DUT: variants seen among roughly 807,000 people sequenced by gnomAD.
DUT encodes deoxyuridine triphosphatase, also known as deoxyuridine 5'-triphosphate nucleotidohydrolase, mitochondrial.
A neutral mutation model predicts 28.8 loss-of-function variants in DUT; 21 were observed. That is an observed-to-expected ratio of 0.73 (90% CI 0.52 to 1.05). The LOEUF is 1.05. Ranked by LOEUF, DUT falls within the 50% of genes least tolerant of loss-of-function variation. DUT has a pLI of 0.00. For synonymous variants in DUT, 147 were observed against 143.7 expected (o/e 1.02, Z -0.17); for missense variants, 344 against 351.8 (o/e 0.98, Z 0.18).
In DUT at chr15:48,341,283, C is replaced by G. The variant is rs201220035; in HGVS notation, c.557-6C>G. 3.9e-5 allele frequency: 62 copies of G among 1,575,394 alleles called. No individual in the cohort carries two copies. Among genetic ancestry groups the G allele is most frequent in the East Asian group, 1.3e-4 (6 of 44,528 alleles). ...ATTGAGATAATATTACTTTTCTTTT[C>G]TCTAGCTGGTGTCATAGATGAAGAT... On this transcript the variant is annotated splice_polypyrimidine_tract_variant and splice_region_variant and intron_variant, in intron 4 of 6. Transcript: ENST00000331200.
chr15:48,342,122 T>TAAAAAA lies in DUT; in HGVS notation c.*54_*59dup. On this transcript the variant is annotated 3_prime_UTR_variant, in exon 7 of 7. Transcript: ENST00000331200. Reference sequence around the variant, plus strand: ...AAAACAAGAAGTCATACCTTTTTCTTAAAAAAAAAAAAAAAGTTTTTGCTT... The same window carrying TAAAAAA: ...AAAACAAGAAGTCATACCTTTTTCTTAAAAAAAAAAAAAAAAAAAAAGTTTTTGCTT... The TAAAAAA allele has an allele frequency of 9.0e-7, 1 of 1,109,496 alleles. No individual in the cohort carries two copies. The highest frequency in any genetic ancestry group is 1.2e-6 in the Non-Finnish European group (1 of 819,666). 68.7% of individuals were successfully genotyped at this position (1,109,496 alleles called of 1,614,324 possible). A position where few individuals can be genotyped will look rare whatever the true frequency, so the allele number is the denominator to read the frequency against.
At chr15:48,341,947 C>A in intron 6 of DUT, 75 bp from the exon 7 acceptor site, 1 of 1,113,796 alleles carries the variant, frequency 9.0e-7, no homozygotes, top group Non-Finnish European at 1.3e-6. Context: ...CTGTATTTTT[C>A]TTAGGAGCTG....
chr15:48,334,475 A>G lies in DUT; in HGVS notation c.478A>G (p.Ile160Val). The G allele has an allele frequency of 1.2e-6, 2 of 1,612,062 alleles. No homozygotes were observed. Among genetic ancestry groups the G allele is most frequent in the Non-Finnish European group, 1.7e-6 (2 of 1,178,668 alleles). The part of the protein sequence containing the change: ...EKAVVKTDIQ[I>V]ALPSGCYGRV... Reference sequence around the variant, plus strand: ...AGCTGTTGTGAAAACGGACATTCAGATAGCGCTCCCTTCTGGGTGTTATGG... The same window carrying G: ...AGCTGTTGTGAAAACGGACATTCAGGTAGCGCTCCCTTCTGGGTGTTATGG... Residue 160 changes from isoleucine (I) to valine (V), a missense_variant, in exon 3 of 7, where the codon ATA (isoleucine) becomes GTA (valine). Transcript: ENST00000331200.
chr15:48,340,350 C>CTA (rs2042520419), intron 4 of DUT: 1 of 151,978 alleles, frequency 6.6e-6, no homozygotes, highest in African/African-American at 2.4e-5. Context: ...TGTAAATGTG[C>CTA]TATAATTGAC....
At chr15:48,338,276 A>C (rs1472950766) in intron 4 of DUT, among the ~76,000 whole-genome samples, 1 of 152,164 alleles carries the variant, frequency 6.6e-6, no homozygotes, top group Non-Finnish European at 1.5e-5. Context: ...AGTCACTTAA[A>C]GGTTTTTCAC....
intron 1 of DUT, 50 bp from the exon 2 acceptor site, chr15:48,332,218 C>A (rs766854444): frequency 1.3e-6 from 2 of 1,548,772 alleles, no homozygotes; most frequent in East Asian, 2.4e-5. Flanking sequence ...TCCTCTTCCC[C>A]CGGTGGTCTC....
At position 48,341,578 on chromosome 15, in the gene DUT, A is replaced by T; in HGVS notation, c.695A>T (p.Glu232Val). ...CGGATTTTTTATCCAGAAATAGAAGAAGTTCAAGTAAGTATTACAAAGGAA... is the reference window on the plus strand; with the variant it reads ...CGGATTTTTTATCCAGAAATAGAAGTAGTTCAAGTAAGTATTACAAAGGAA... ...CERIFYPEIE[E>V]VQALDDTERG... Residue 232 changes from glutamate to valine, a missense_variant, in exon 6 of 7, where the codon GAA becomes GTA. Physicochemically the swap from Glu to Val is moderately radical, Grantham distance 121. Coordinates refer to ENST00000331200, the MANE Select transcript of DUT (RefSeq NM_001025248.2). 1 of 1,610,028 alleles carries T rather than the reference A, an allele frequency of 6.2e-7. No homozygotes were observed. Among genetic ancestry groups the T allele is most frequent in the Non-Finnish European group, 8.5e-7 (1 of 1,177,022 alleles).
chr15:48,332,392 C>T lies in DUT; in HGVS notation c.405C>T (p.Gly135=), dbSNP rs763727169. ...CCCGGGGCTCCGCGCGCGCCGCGGGCTACGACCTGTACAGGTGAGCGGGGA... is the reference window on the plus strand; with the variant it reads ...CCCGGGGCTCCGCGCGCGCCGCGGGTTACGACCTGTACAGGTGAGCGGGGA... ...APTRGSARAA[G]YDLYSAYDYT... The change falls in exon 2 of 7, where the codon GGC becomes GGT. Residue 135 remains glycine, a synonymous_variant. Transcript: ENST00000331200. 3 of 1,578,296 alleles carry T rather than the reference C, an allele frequency of 1.9e-6. No homozygotes were observed. In the East Asian group the frequency reaches 6.8e-5, roughly 36 times the overall value.
upstream of DUT, chr15:48,331,350 T>G: frequency 6.9e-7 from 1 of 1,455,090 alleles, no homozygotes; most frequent in South Asian, 1.5e-5. Context: ...CCCCAGGGCC[T>G]GCGCCATCCC....
At chr15:48,333,322 T>C (rs1175233474) in intron 2 of DUT, among the ~76,000 whole-genome samples, 1 of 152,152 alleles carries the variant, frequency 6.6e-6, no homozygotes, top group Non-Finnish European at 1.5e-5. Context: ...CTGGAAAAAC[T>C]ACAGTCTCTT....
intron 1 of DUT, 80 bp downstream of exon 1, chr15:48,331,875 A>T: frequency 4.0e-6 from 1 of 252,954 alleles, no homozygotes; most frequent in Non-Finnish European, 5.1e-6. Flanking sequence ...TAGGGTGGCG[A>T]GCGGTCCTTC....
rs1218470237 is a variant in DUT at position 48,342,499 on chromosome 15, C to G, written c.*421C>G. 3 of 152,260 alleles carry G rather than the reference C, an allele frequency of 2.0e-5. No homozygotes were observed. The highest frequency in any genetic ancestry group is 6.6e-5 in the Admixed American group (1 of 15,260). The allele number at this position is 152,260 out of a possible 1,614,324, so 9.4% of individuals were successfully genotyped here. A position where few individuals can be genotyped will look rare whatever the true frequency, so the allele number is the denominator to read the frequency against. Reference sequence around the variant, plus strand: ...ATATTTTTTATTCAGTAAACAAATTCTTTCACAAGGTACAAAATCTTGCAT... The same window carrying G: ...ATATTTTTTATTCAGTAAACAAATTGTTTCACAAGGTACAAAATCTTGCAT... On this transcript the variant is annotated 3_prime_UTR_variant, in exon 7 of 7. Transcript: ENST00000331200.
chr15:48,331,175 G>T, upstream of DUT: 1 of 1,517,460 alleles, frequency 6.6e-7, no homozygotes, highest in East Asian at 2.5e-5. Context: ...TCATGGCTGC[G>T]GGCGGTGCCG....
rs777581421 is a variant in DUT at position 48,332,237 on chromosome 15, C to T, written c.281-31C>T. ...CTTCCCCCGGTGGTCTCCTCGCTCG[C>T]CTTCTGGCTCTGCCATGCCCTGCTC... On this transcript the variant is annotated intron_variant, in intron 1 of 6. Transcript: ENST00000331200. The T allele has an allele frequency of 2.5e-6, 4 of 1,577,890 alleles. No individual in the cohort carries two copies. In the South Asian group the frequency reaches 3.4e-5, roughly 13 times the overall value.
chr15:48,341,623 A>T (rs1298084852), intron 6 of DUT, 38 bp downstream of exon 6: 1 of 1,489,012 alleles, frequency 6.7e-7, no homozygotes, highest in Admixed American at 1.7e-5. Flanking sequence ...TAAGTAATAT[A>T]ACATCTTAAG....
intron 2 of DUT, among the ~76,000 whole-genome samples, chr15:48,332,954 C>G (rs953965722): frequency 1.3e-5 from 2 of 152,178 alleles, no homozygotes; most frequent in Non-Finnish European, 2.9e-5. Context: ...TGTATTTAGT[C>G]CTCACAACAA....
chr15:48,336,517 A>G lies in DUT; in HGVS notation c.556+427A>G, dbSNP rs546649208. Among the ~76,000 whole-genome samples, 4 of 152,292 alleles carry G rather than the reference A, an allele frequency of 2.6e-5. No individual in the cohort carries two copies. In the East Asian group the frequency reaches 7.7e-4, roughly 29 times the overall value. ...CTGTGTTACCTGTTTCCCTTATAATAAAGCCTTTCTCATGTTTGTCTCAAA... is the reference window on the plus strand; with the variant it reads ...CTGTGTTACCTGTTTCCCTTATAATGAAGCCTTTCTCATGTTTGTCTCAAA... On this transcript the variant is annotated intron_variant, in intron 4 of 6. Transcript: ENST00000331200.
intron 1 of DUT, chr15:48,332,030 A>G: frequency 1.0e-6 from 1 of 991,936 alleles, no homozygotes. Context: ...ACTGGGACCC[A>G]GTAGTTTCCC....
At chr15:48,341,817 A>G (rs576203487) in intron 6 of DUT, 1 of 564,496 alleles carries the variant, frequency 1.8e-6, no homozygotes, top group African/African-American at 2.0e-5. Flanking sequence ...TGAACTTCTA[A>G]TATTTTATTA....
Sources: allele counts gnomAD v4.1 joint callset (sites outside exome capture counted in the v4.1 genomes callset), GRCh38; gene constraint gnomAD v4.1.1; transcripts MANE v1.5; gene names NCBI Gene and HGNC (gene_info 2026-07-23, HGNC 2026-07-21).